Variants in SLC24A2 observed in about 807,000 individuals in gnomAD.
The protein encoded by SLC24A2 is sodium/potassium/calcium exchanger 2.
Under a neutral mutation model 62.0 loss-of-function variants are expected in SLC24A2, and 36 were observed. That is an observed-to-expected ratio of 0.58 (90% CI 0.44 to 0.77). The LOEUF (loss-of-function observed/expected upper bound fraction) is 0.77. Ranked by LOEUF, SLC24A2 falls within the 30% of genes least tolerant of loss-of-function variation. SLC24A2 has a pLI of 0.00. For synonymous variants in SLC24A2, 358 were observed against 294.0 expected (o/e 1.22, Z -2.23); for missense variants, 846 against 817.9 (o/e 1.03, Z -0.42).
chr9:19,810,430 G>A, the SLC24A2 span, among the ~76,000 whole-genome samples: 47 of 152,184 alleles, frequency 3.1e-4, no homozygotes, highest in African/African-American at 1.1e-3. Context: ...AATAACACAA[G>A]GAACTGTGAT....
intron 2 of SLC24A2, among the ~76,000 whole-genome samples, chr9:19,667,544 C>T (rs557558504): frequency 2.0e-5 from 3 of 152,224 alleles, no homozygotes; most frequent in Non-Finnish European, 4.4e-5. Flanking sequence ...TCCATCATAG[C>T]CCCTTAGAGG....
At chr9:20,173,980 T>G in the SLC24A2 span, among the ~76,000 whole-genome samples, 3 of 152,100 alleles carry the variant, frequency 2.0e-5, no homozygotes, top group Non-Finnish European at 4.4e-5. Flanking sequence ...CAAAACAGCA[T>G]GTTACTGGTA....
At chr9:20,027,949 C>G in the SLC24A2 span, among the ~76,000 whole-genome samples, 1 of 151,900 alleles carries the variant, frequency 6.6e-6, no homozygotes, top group Non-Finnish European at 1.5e-5. Flanking sequence ...TTCAGTGATA[C>G]AATAAGTAAA....
chr9:20,292,549 G>C, the SLC24A2 span, among the ~76,000 whole-genome samples: 5 of 152,242 alleles, frequency 3.3e-5, no homozygotes, highest in South Asian at 6.3e-4. Context: ...CTGTAACAAA[G>C]TACCACAAAC....
chr9:20,113,291 A>T, the SLC24A2 span, among the ~76,000 whole-genome samples: 1 of 152,084 alleles, frequency 6.6e-6, no homozygotes, highest in Non-Finnish European at 1.5e-5. Context: ...TGGCTGCACC[A>T]TTTACCAGCT....
At chr9:20,232,870 T>A in the SLC24A2 span, among the ~76,000 whole-genome samples, 1 of 152,332 alleles carries the variant, frequency 6.6e-6, no homozygotes, top group Non-Finnish European at 1.5e-5. Context: ...TTTAGTGCTA[T>A]AAATTTCCCT....
intron 2 of SLC24A2, among the ~76,000 whole-genome samples, chr9:19,707,706 C>T (rs996515901): frequency 1.3e-5 from 2 of 152,162 alleles, no homozygotes; most frequent in African/African-American, 2.4e-5. Flanking sequence ...ATTCAACAAC[C>T]CTTCATGCTT....
chr9:20,079,393 C>T, the SLC24A2 span, among the ~76,000 whole-genome samples: 1 of 152,254 alleles, frequency 6.6e-6, no homozygotes, highest in Non-Finnish European at 1.5e-5. Flanking sequence ...TTTTGCATTA[C>T]TTTTCTTGCA....
chr9:19,532,910 T>G (rs909289308), intron 8 of SLC24A2, among the ~76,000 whole-genome samples: 3 of 152,222 alleles, frequency 2.0e-5, no homozygotes, highest in African/African-American at 7.2e-5. Flanking sequence ...ATCTTAGTCA[T>G]GAGAGAAGAT....
chr9:20,153,765 A>T, the SLC24A2 span, among the ~76,000 whole-genome samples: 1 of 152,070 alleles, frequency 6.6e-6, no homozygotes, highest in South Asian at 2.1e-4. Context: ...GAAAAAAAGT[A>T]TTGCAGGGCA....
chr9:20,199,192 A>C, the SLC24A2 span, among the ~76,000 whole-genome samples: 1 of 152,198 alleles, frequency 6.6e-6, no homozygotes, highest in Admixed American at 6.5e-5. Context: ...ATTACTTTAG[A>C]AATGATACCA....
At chr9:19,818,463 C>T in the SLC24A2 span, among the ~76,000 whole-genome samples, 1 of 152,098 alleles carries the variant, frequency 6.6e-6, no homozygotes, top group African/African-American at 2.4e-5. Context: ...CCTAAAGACT[C>T]CCCCAGAAAG....
At chr9:20,179,729 A>T in the SLC24A2 span, among the ~76,000 whole-genome samples, 5 of 152,228 alleles carry the variant, frequency 3.3e-5, no homozygotes, top group African/African-American at 9.6e-5. Flanking sequence ...TCAGCATAAC[A>T]AAATGGAGTA....
chr9:20,077,475 G>C, the SLC24A2 span, among the ~76,000 whole-genome samples: 1 of 152,004 alleles, frequency 6.6e-6, no homozygotes, highest in Non-Finnish European at 1.5e-5. Flanking sequence ...GAATTCCAGA[G>C]GCAGTTGTGT....
chr9:20,279,260 G>A, the SLC24A2 span, among the ~76,000 whole-genome samples: 3 of 152,246 alleles, frequency 2.0e-5, no homozygotes, highest in Non-Finnish European at 2.9e-5. Context: ...GCCAGACATG[G>A]TGGCTCATGC....
At chr9:20,029,874 C>A in the SLC24A2 span, among the ~76,000 whole-genome samples, 14 of 151,820 alleles carry the variant, frequency 9.2e-5, no homozygotes, top group African/African-American at 2.7e-4. Flanking sequence ...GGTGGAGGAA[C>A]CAGGTGAAAC....
chr9:20,125,915 G>T, the SLC24A2 span, among the ~76,000 whole-genome samples: 1 of 152,142 alleles, frequency 6.6e-6, no homozygotes, highest in Non-Finnish European at 1.5e-5. Flanking sequence ...ATACAGAATT[G>T]CTCTCCACAC....
intron 10 of SLC24A2, among the ~76,000 whole-genome samples, chr9:19,518,371 T>C (rs1313527103): frequency 6.6e-6 from 1 of 152,086 alleles, no homozygotes; most frequent in Admixed American, 6.5e-5. Flanking sequence ...AAAAGGTTGG[T>C]GAGTTATTGA....
chr9:19,736,403 C>G (rs565215388), intron 2 of SLC24A2, among the ~76,000 whole-genome samples: 1 of 152,098 alleles, frequency 6.6e-6, no homozygotes, highest in Non-Finnish European at 1.5e-5. Context: ...TCACCTGCAG[C>G]TTACAAGAGA....
Sources: allele counts gnomAD v4.1 joint callset (sites outside exome capture counted in the v4.1 genomes callset), GRCh38; gene constraint gnomAD v4.1.1; transcripts MANE v1.5; gene names NCBI Gene and HGNC (gene_info 2026-07-23, HGNC 2026-07-21).